The following CRTC3 variants were observed in gnomAD, a reference collection of about 807,000 sequenced individuals.
CRTC3 encodes the protein CREB regulated transcription coactivator 3.
Under a neutral mutation model 74.5 loss-of-function variants are expected in CRTC3, and 26 were observed. That is an observed-to-expected ratio of 0.35 (90% CI 0.26 to 0.48). The LOEUF (loss-of-function observed/expected upper bound fraction) is 0.48. Among genes scored for constraint, CRTC3 ranks in the 20% least tolerant of loss-of-function variants. The pLI is 0.99. For synonymous variants in CRTC3, 377 were observed against 325.8 expected (o/e 1.16, Z -1.69); for missense variants, 760 against 787.3 (o/e 0.97, Z 0.41).
chr15:90,562,586 A>G (rs184891325), intron 2 of CRTC3, among the ~76,000 whole-genome samples: 155 of 152,020 alleles, frequency 1.0e-3, no homozygotes, highest in Non-Finnish European at 1.6e-4. Flanking sequence ...GTTTAGTACC[A>G]CTTTTGTTTG....
intron 6 of CRTC3, among the ~76,000 whole-genome samples, chr15:90,613,182 C>CG (rs1239082685): frequency 3.1e-5 from 2 of 65,280 alleles, no homozygotes; most frequent in Non-Finnish European, 5.7e-5. Flanking sequence ...GACTCTGTCT[C>CG]GGGAAAAAAA....
intron 2 of CRTC3, among the ~76,000 whole-genome samples, chr15:90,543,756 T>C (rs562260176): frequency 6.6e-6 from 1 of 152,324 alleles, no homozygotes; most frequent in South Asian, 2.1e-4. Flanking sequence ...CAATATAATT[T>C]ATACCTTTTT....
At chr15:90,615,435 A>C (rs1968467262) in intron 7 of CRTC3, among the ~76,000 whole-genome samples, 1 of 152,338 alleles carries the variant, frequency 6.6e-6, no homozygotes. Context: ...GTGAGACCCT[A>C]GGGGGGACAT....
chr15:90,577,590 G>A (rs1967436594), intron 2 of CRTC3, among the ~76,000 whole-genome samples: 1 of 152,130 alleles, frequency 6.6e-6, no homozygotes, highest in Admixed American at 6.5e-5. Context: ...GCACTCCCAT[G>A]TTTATTGCAG....
At chr15:90,574,863 A>G (rs1047002840) in intron 2 of CRTC3, among the ~76,000 whole-genome samples, 3 of 152,164 alleles carry the variant, frequency 2.0e-5, no homozygotes, top group Non-Finnish European at 2.9e-5. Flanking sequence ...ATCTGTTCAT[A>G]TCTTTTGCCT....
intron 11 of CRTC3, among the ~76,000 whole-genome samples, chr15:90,630,999 G>A (rs190018667): frequency 0.046 from 822 of 17,994 alleles, 305 homozygotes; most frequent in East Asian, 0.31. Flanking sequence ...GGATGGTCTC[G>A]ATCTCCTGAC....
chr15:90,587,984 A>G (rs925773519), intron 2 of CRTC3, among the ~76,000 whole-genome samples: 7 of 147,012 alleles, frequency 4.8e-5, no homozygotes, highest in African/African-American at 1.7e-4. Flanking sequence ...ACAATGGCTC[A>G]TGCCTGTGAT....
At chr15:90,534,101 AGAG>A (rs1966678622) in intron 1 of CRTC3, among the ~76,000 whole-genome samples, 2 of 152,070 alleles carry the variant, frequency 1.3e-5, no homozygotes, top group Non-Finnish European at 1.5e-5. Flanking sequence ...TGGGTAGAAG[AGAG>A]GAGGAGGAGG....
intron 11 of CRTC3, among the ~76,000 whole-genome samples, chr15:90,631,535 C>G (rs569110454): frequency 4.6e-5 from 7 of 151,924 alleles, no homozygotes; most frequent in Admixed American, 1.3e-4. Context: ...TGAGTCCAGC[C>G]TGGTTAACAT....
chr15:90,638,257 A>C (rs7165170), intron 11 of CRTC3, 189 bp from the exon 12 acceptor site: 117,198 of 570,932 alleles, frequency 0.21, 13,832 homozygotes, highest in African/African-American at 0.42. Flanking sequence ...TGAATGGAAC[A>C]TGCTTTGTGG....
At chr15:90,563,028 A>G (rs1967045907) in intron 2 of CRTC3, among the ~76,000 whole-genome samples, 2 of 152,138 alleles carry the variant, frequency 1.3e-5, no homozygotes, top group Middle Eastern at 3.2e-3. Context: ...TGCTCAAGAG[A>G]CGCTTTCTAC....
At chr15:90,532,402 A>G (rs1966642020) in intron 1 of CRTC3, among the ~76,000 whole-genome samples, 1 of 152,208 alleles carries the variant, frequency 6.6e-6, no homozygotes, top group African/African-American at 2.4e-5. Context: ...CCTAGTTCAT[A>G]ATTGGTAACT....
At chr15:90,533,482 T>C (rs1966668167) in intron 1 of CRTC3, among the ~76,000 whole-genome samples, 1 of 151,706 alleles carries the variant, frequency 6.6e-6, no homozygotes, top group Non-Finnish European at 1.5e-5. Flanking sequence ...GGCTGTTCTG[T>C]TGTTCATTTA....
chr15:90,545,812 T>TCA lies in CRTC3; in HGVS notation c.231+5675_231+5676insCA, dbSNP rs1457787952. ...CCAGGATGGTCTCCATCTCCTGACT[T>TCA]TGTGATCCGCCCGCCTTGGCCTCCC... On this transcript the variant is annotated intron_variant, in intron 2 of 14. Transcript: ENST00000268184. Among the ~76,000 whole-genome samples, 239 of 152,194 alleles carry TCA rather than the reference T, an allele frequency of 1.6e-3. 1 individual carries two copies. Among genetic ancestry groups the TCA allele is most frequent in the Admixed American group, 3.2e-3 (49 of 15,288 alleles).
intron 4 of CRTC3, among the ~76,000 whole-genome samples, chr15:90,603,411 C>G (rs1968136718): frequency 6.6e-6 from 1 of 151,986 alleles, no homozygotes; most frequent in African/African-American, 2.4e-5. Context: ...CCACTGCACT[C>G]CAGCCTGGGT....
intron 13 of CRTC3, 115 bp downstream of exon 13, chr15:90,638,930 G>T: frequency 1.1e-6 from 1 of 882,116 alleles, no homozygotes; most frequent in Non-Finnish European, 1.8e-6. Context: ...CCTGGTTCTG[G>T]TTGTGTTCTG....
intron 11 of CRTC3, among the ~76,000 whole-genome samples, chr15:90,632,853 C>A (rs1393355455): frequency 6.6e-6 from 1 of 152,258 alleles, no homozygotes; most frequent in East Asian, 1.9e-4. Context: ...AGTCTGCCCG[C>A]CTCGGCGTCC....
In CRTC3 at chr15:90,530,091, C is replaced by T. The variant is rs771397042; in HGVS notation, c.20C>T (p.Ser7Leu). The T allele has an allele frequency of 2.8e-6, 4 of 1,442,488 alleles. No individual in the cohort carries two copies. The highest frequency in any genetic ancestry group is 3.1e-5 in the East Asian group (1 of 32,040). 89.4% of individuals were successfully genotyped at this position (1,442,488 alleles called of 1,614,324 possible). A position where few individuals can be genotyped will look rare whatever the true frequency, so the allele number is the denominator to read the frequency against. Residue 7 changes from serine to leucine, a missense_variant, in exon 1 of 15, where the codon TCG becomes TTG. By Grantham distance (145) the Ser-to-Leu change is moderately radical. Around this residue, in one of 2 missense-constraint regions of CRTC3, gnomAD observed 108 missense variants for 152.1 expected, o/e 0.71. Coordinates refer to ENST00000268184, the MANE Select transcript of CRTC3 (RefSeq NM_022769.5). The surrounding 1 kb of genome is among the most constrained non-coding windows in gnomAD (Gnocchi z 6.2). MAASPGSGSANPRKFSE... is the reference protein window; with the variant it reads MAASPGLGSANPRKFSE... ...CGCGCCATGGCCGCCTCGCCGGGCTCGGGCAGCGCCAACCCGCGGAAGTTC... is the reference window on the plus strand; with the variant it reads ...CGCGCCATGGCCGCCTCGCCGGGCTTGGGCAGCGCCAACCCGCGGAAGTTC...
At position 90,579,634 on chromosome 15, in the gene CRTC3, C is replaced by CCTT. The variant is rs772962487; in HGVS notation, c.232-14002_232-14001insCTT. 4.8e-5 allele frequency among the ~76,000 whole-genome samples: 4 copies of CCTT among 84,198 alleles called. No individual in the cohort carries two copies. The East Asian group carries it at 1.2e-3, about 26-fold the overall frequency. The allele number at this position is 84,198 out of a possible 152,430, so 55.2% of individuals were successfully genotyped here. A position where few individuals can be genotyped will look rare whatever the true frequency, so the allele number is the denominator to read the frequency against. ...GATTACATGGAGTAAACGTATTTCA[C>CCTT]TTTTTTTTTTTTTTTTTTTTTTTTT... On this transcript the variant is annotated intron_variant, in intron 2 of 14. Transcript: ENST00000268184.
Sources: allele counts gnomAD v4.1 joint callset (sites outside exome capture counted in the v4.1 genomes callset), GRCh38; gene constraint gnomAD v4.1.1; regional missense constraint gnomAD v4.1.1; non-coding constraint Gnocchi (gnomAD v3.1); transcripts MANE v1.5; gene names NCBI Gene and HGNC (gene_info 2026-07-23, HGNC 2026-07-21).